The following HPCAL4 variants were observed in gnomAD, a reference collection of about 807,000 sequenced individuals.
HPCAL4 encodes the protein hippocalcin like 4, also known as hippocalcin-like protein 4.
Under a neutral mutation model 18.2 loss-of-function variants are expected in HPCAL4, and 16 were observed. That is an observed-to-expected ratio of 0.88 (90% CI 0.59 to 1.33). The LOEUF is 1.33. HPCAL4 is among the 40% of genes most tolerant of loss of function. HPCAL4 has a pLI of 0.00. For synonymous variants in HPCAL4, 80 were observed against 97.5 expected (o/e 0.82, Z 1.06); for missense variants, 214 against 256.6 (o/e 0.83, Z 1.14).
At chr1:39,686,866 G>A (rs1408857810) in intron 1 of HPCAL4, among the ~76,000 whole-genome samples, 4 of 152,172 alleles carry the variant, frequency 2.6e-5, no homozygotes, top group Admixed American at 2.6e-4. Flanking sequence ...TTGGAAGAGG[G>A]TCAGGCTCCC....
Position 39,684,152 on chromosome 1 carries a change from A to C in HPCAL4, c.163T>G (p.Phe55Val). The C allele has an allele frequency of 1.2e-6, 2 of 1,606,738 alleles. No homozygotes were observed. The highest frequency in any genetic ancestry group is 8.5e-7 in the Non-Finnish European group (1 of 1,175,362). ...TTGGAGGCGTCGCCGTAGGGGAAGA[A>C]CTGAGGGGGGTGCGGTGGGTTGGGG... ...LEEFQQLYIK[F>V]FPYGDASKFA... Residue 55 changes from phenylalanine (F) to valine (V), a missense_variant and splice_region_variant, in exon 3 of 4, where the codon TTC becomes GTC. Coordinates refer to ENST00000372844, the MANE Select transcript of HPCAL4 (RefSeq NM_016257.4).
Position 39,682,467 on chromosome 1 carries a change from C to G in HPCAL4, c.*69G>C, listed in dbSNP as rs2124184666. On this transcript the variant is annotated 3_prime_UTR_variant, in exon 4 of 4. Coordinates refer to ENST00000372844, the MANE Select transcript of HPCAL4 (RefSeq NM_016257.4). Reference sequence around the variant, plus strand: ...AGTGTCCCTCCTCCTGGGAGGCCAGCCAGAGAGGTCATCAGGTTGGGAGGT... The same window carrying G: ...AGTGTCCCTCCTCCTGGGAGGCCAGGCAGAGAGGTCATCAGGTTGGGAGGT... The G allele has an allele frequency of 6.6e-7, 1 of 1,514,922 alleles. No homozygotes were observed. The highest frequency in any genetic ancestry group is 1.1e-5 in the South Asian group (1 of 87,816). 93.8% of individuals were successfully genotyped at this position (1,514,922 alleles called of 1,614,324 possible).
Position 39,681,279 on chromosome 1 carries a change from G to C in HPCAL4, c.*1257C>G, listed in dbSNP as rs918180410. 6.6e-6 allele frequency: 1 copy of C among 152,222 alleles called. No homozygotes were observed. The highest frequency in any genetic ancestry group is 1.9e-4 in the East Asian group (1 of 5,194). 9.4% of individuals were successfully genotyped at this position (152,222 alleles called of 1,614,324 possible). A position where few individuals can be genotyped will look rare whatever the true frequency, so the allele number is the denominator to read the frequency against. On this transcript the variant is annotated 3_prime_UTR_variant, in exon 4 of 4. Coordinates refer to ENST00000372844, the MANE Select transcript of HPCAL4 (RefSeq NM_016257.4). ...TTTCGTCCATAAATTATGTCTGGGT[G>C]CCTAAACAGTGGCCAGGTGAGCCTT...
rs769463734 is a variant in HPCAL4, at chr1:39,682,627, T to C, written c.485A>G (p.Lys162Arg). 6.2e-7 allele frequency: 1 copy of C among 1,614,272 alleles called. No homozygotes were observed. Among genetic ancestry groups the C allele is most frequent in the Non-Finnish European group, 8.5e-7 (1 of 1,180,044 alleles). Residue 162 changes from lysine (K) to arginine (R), a missense_variant, in exon 4 of 4, where the codon AAG (lysine) becomes AGG (arginine). By Grantham distance (26) the Lys-to-Arg change is conservative. Coordinates refer to ENST00000372844, the MANE Select transcript of HPCAL4 (RefSeq NM_016257.4). ...CTCCTCCAATGTAATCTGGTCGTCC[T>C]TATCCTGGTCCATCTTCTTGAAGAT... ...DKIFKKMDQD[K>R]DDQITLEEFK...
intron 1 of HPCAL4, among the ~76,000 whole-genome samples, chr1:39,685,904 G>A (rs12048346): frequency 0.11 from 15,943 of 148,546 alleles, 1,557 homozygotes; most frequent in East Asian, 0.44. Flanking sequence ...TATATTGGCC[G>A]GGCGCAGTGG....
chr1:39,684,277 C>G, intron 2 of HPCAL4, 125 bp from the exon 3 acceptor site: 28 of 791,816 alleles, frequency 3.5e-5, no homozygotes, highest in Non-Finnish European at 4.3e-5. Flanking sequence ...GCCCCCGCCA[C>G]CCCGGGTGCC....
intron 1 of HPCAL4, among the ~76,000 whole-genome samples, chr1:39,688,456 G>A (rs1646694090): frequency 6.6e-6 from 1 of 152,014 alleles, no homozygotes; most frequent in Admixed American, 6.6e-5. Flanking sequence ...AATGCTCTTG[G>A]TACCTTCATT....
chr1:39,688,346 C>A (rs1646692282), intron 1 of HPCAL4, among the ~76,000 whole-genome samples: 1 of 152,168 alleles, frequency 6.6e-6, no homozygotes, highest in Non-Finnish European at 1.5e-5. Context: ...TCTCCCTCAT[C>A]CCCGGGGTGT....
chr1:39,682,722 C>A lies in HPCAL4; in HGVS notation c.390G>T (p.Lys130Asn). 6.2e-7 allele frequency: 1 copy of A among 1,614,066 alleles called. No homozygotes were observed. Among genetic ancestry groups the A allele is most frequent in the Non-Finnish European group, 8.5e-7 (1 of 1,180,026 alleles). Residue 130 changes from lysine to asparagine, a missense_variant, in exon 4 of 4, where the codon AAG (lysine) becomes AAT (asparagine). By Grantham distance (94) the Lys-to-Asn change is moderately conservative. Transcript: ENST00000372844. ...GCATCATGATCACGGTGCCCACCAT[C>A]TTGTAGATTGCCTGGTGAGGGAAGG... ...EMLEIIEAIY[K>N]MVGTVIMMRM...
intron 1 of HPCAL4, among the ~76,000 whole-genome samples, chr1:39,686,355 A>G (rs1646675447): frequency 6.6e-6 from 1 of 152,162 alleles, no homozygotes. Context: ...TGTCTCAAAA[A>G]AGAAAAAAAA....
In HPCAL4 at chr1:39,682,240, C is replaced by A; in HGVS notation, c.*296G>T. The A allele has an allele frequency of 2.6e-6, 1 of 392,016 alleles. No homozygotes were observed. The allele number at this position is 392,016 out of a possible 1,614,324, so 24.3% of individuals were successfully genotyped here. On this transcript the variant is annotated 3_prime_UTR_variant, in exon 4 of 4. Coordinates refer to ENST00000372844, the MANE Select transcript of HPCAL4 (RefSeq NM_016257.4). ...CCTAACCAGAACCCCAGGCCCCCAA[C>A]TCCTTAACCTCACCTCCTGGGGCAA...
intron 1 of HPCAL4, 128 bp from the exon 2 acceptor site, chr1:39,684,739 T>C: frequency 1.4e-6 from 1 of 717,066 alleles, no homozygotes; most frequent in Non-Finnish European, 2.1e-6. Flanking sequence ...TCCCCCATAA[T>C]GGGGCCTCCT....
At chr1:39,683,850 C>A in intron 3 of HPCAL4, 87 bp downstream of exon 3, 1 of 1,209,836 alleles carries the variant, frequency 8.3e-7, no homozygotes, top group South Asian at 1.3e-5. Context: ...AGCAGGGAGG[C>A]CCCGAAGCCC....
chr1:39,686,997 C>T (rs1441010404), intron 1 of HPCAL4, among the ~76,000 whole-genome samples: 7 of 152,174 alleles, frequency 4.6e-5, no homozygotes, highest in Non-Finnish European at 8.8e-5. Context: ...ACTGGGAAAA[C>T]ACTAAATAGC....
chr1:39,686,742 C>T (rs1233953438), intron 1 of HPCAL4, among the ~76,000 whole-genome samples: 2 of 151,718 alleles, frequency 1.3e-5, no homozygotes, highest in African/African-American at 4.9e-5. Flanking sequence ...TGTGGCCAGA[C>T]CTTGAAGGCA....
intron 1 of HPCAL4, among the ~76,000 whole-genome samples, chr1:39,686,059 T>C (rs1646672002): frequency 6.6e-6 from 1 of 150,900 alleles, no homozygotes; most frequent in Non-Finnish European, 1.5e-5. Context: ...CGGGCGCCAG[T>C]AGTCCCAGCT....
chr1:39,688,245 G>A (rs909244575), intron 1 of HPCAL4, among the ~76,000 whole-genome samples: 1 of 152,100 alleles, frequency 6.6e-6, no homozygotes, highest in African/African-American at 2.4e-5. Flanking sequence ...CCACCCTAGG[G>A]GTGTCCACCA....
At chr1:39,684,328 CCCCGGGTGCCTCGCCTCTTCTCAT>C in intron 2 of HPCAL4, 90 bp downstream of exon 2, 8 of 1,294,802 alleles carry the variant, frequency 6.2e-6, no homozygotes, top group East Asian at 2.5e-5. Context: ...TCCCCTCCCA[CCCCGGGTGCCTCGCCTCTTCTCAT>C]CCCAGGGTGC....
chr1:39,682,053 C>T lies in HPCAL4; in HGVS notation c.*483G>A. The T allele has an allele frequency of 5.8e-6, 1 of 172,414 alleles. No individual in the cohort carries two copies. Among genetic ancestry groups the T allele is most frequent in the Non-Finnish European group, 1.3e-5 (1 of 79,814 alleles). 10.7% of individuals were successfully genotyped at this position (172,414 alleles called of 1,614,324 possible). A position where few individuals can be genotyped will look rare whatever the true frequency, so the allele number is the denominator to read the frequency against. ...AGCTGAAGAAAGGACTGAATGAACGCTCCAAAGGCTGGGGCTGGAAGGGCC... is the reference window on the plus strand; with the variant it reads ...AGCTGAAGAAAGGACTGAATGAACGTTCCAAAGGCTGGGGCTGGAAGGGCC... On this transcript the variant is annotated 3_prime_UTR_variant, in exon 4 of 4. Coordinates refer to ENST00000372844, the MANE Select transcript of HPCAL4 (RefSeq NM_016257.4).
Sources: allele counts gnomAD v4.1 joint callset (sites outside exome capture counted in the v4.1 genomes callset), GRCh38; gene constraint gnomAD v4.1.1; transcripts MANE v1.5; gene names NCBI Gene and HGNC (gene_info 2026-07-23, HGNC 2026-07-21).